Variants in MEI1 observed in about 807,000 individuals in gnomAD.
The protein encoded by MEI1 is meiotic double-stranded break formation protein 1, also known as meiosis inhibitor protein 1.
Under a neutral mutation model 146.2 loss-of-function variants are expected in MEI1, and 103 were observed. The observed-to-expected ratio is 0.70, with a 90% CI of 0.60 to 0.83. The LOEUF (loss-of-function observed/expected upper bound fraction) is 0.83. Among genes scored for constraint, MEI1 ranks in the 40% least tolerant of loss-of-function variants. The pLI, the probability that MEI1 is intolerant of heterozygous loss-of-function variation, is 0.00. For missense variants in MEI1, 1,529 were observed against 1,533.0 expected, an observed-to-expected ratio of 1.00 and a Z score of 0.04; for synonymous variants, 652 against 628.2, an observed-to-expected ratio of 1.04 and a Z score of -0.57.
intron 30 of MEI1, among the ~76,000 whole-genome samples, chr22:41,797,654 A>T (rs2076410361): frequency 6.6e-6 from 1 of 152,178 alleles, no homozygotes; most frequent in African/African-American, 2.4e-5. Flanking sequence ...TACAAGGTGT[A>T]TATAAAACAA....
Position 41,781,312 on chromosome 22 carries a change from C to T in MEI1, c.2844C>T (p.Pro948=), listed in dbSNP as rs1236966893. 3 of 1,613,072 alleles carry T rather than the reference C, an allele frequency of 1.9e-6. No homozygotes were observed. In the Admixed American group the frequency reaches 5.0e-5, roughly 27 times the overall value. The change falls in exon 23 of 31, where the codon CCC becomes CCT. Residue 948 remains proline (P), a synonymous_variant. Transcript: ENST00000401548. ...GCAAGCTGTGTGGGAAGTGCAGCCC[C>T]ACTGACGTGGACATCCTGCAGCCCT... The part of the protein sequence containing the change: ...QVSKLCGKCS[P]TDVDILQPSF...
chr22:41,744,068 G>T (rs1002424323), intron 12 of MEI1, among the ~76,000 whole-genome samples: 3 of 151,668 alleles, frequency 2.0e-5, no homozygotes, highest in African/African-American at 7.3e-5. Flanking sequence ...GTAGAGACAG[G>T]GTTTCACTGT....
At chr22:41,730,877 C>T (rs185660661) in intron 9 of MEI1, among the ~76,000 whole-genome samples, 1 of 152,290 alleles carries the variant, frequency 6.6e-6, no homozygotes, top group Non-Finnish European at 1.5e-5. Context: ...AAGGACACTT[C>T]TTTTAGCCAC....
intron 26 of MEI1, among the ~76,000 whole-genome samples, chr22:41,792,777 T>G (rs1471989433): frequency 1.3e-5 from 2 of 152,206 alleles, no homozygotes; most frequent in Non-Finnish European, 2.9e-5. Flanking sequence ...ACACTTGGTG[T>G]TGTCAGTCTT....
chr22:41,784,542 G>A (rs977770158), intron 25 of MEI1, 66 bp from the exon 26 acceptor site: 1 of 1,598,340 alleles, frequency 6.3e-7, no homozygotes, highest in Non-Finnish European at 8.5e-7. Context: ...CTCCCATCCT[G>A]TGACAGAGCT....
At chr22:41,748,078 G>T (rs377584913) in intron 14 of MEI1, 29 bp from the exon 15 acceptor site, 3 of 1,511,254 alleles carry the variant, frequency 2.0e-6, no homozygotes, top group African/African-American at 1.4e-5. Context: ...GTCCCCGTGG[G>T]CTGTGTTCTC....
At chr22:41,753,852 C>G in intron 16 of MEI1, 97 bp from the exon 17 acceptor site, 1 of 868,186 alleles carries the variant, frequency 1.2e-6, no homozygotes, top group Non-Finnish European at 1.9e-6. Flanking sequence ...TAGCCTCTGG[C>G]ACAAAGCAGT....
chr22:41,769,472 A>G (rs2075044992), intron 19 of MEI1, among the ~76,000 whole-genome samples: 1 of 102,456 alleles, frequency 9.8e-6, no homozygotes, highest in South Asian at 3.7e-4. Flanking sequence ...TAGCATATTA[A>G]GGAATTTTTT....
At chr22:41,705,245 C>T (rs571501140) in intron 2 of MEI1, among the ~76,000 whole-genome samples, 365 of 150,086 alleles carry the variant, frequency 2.4e-3, no homozygotes, top group Non-Finnish European at 2.7e-3. Context: ...AGTCTCAGCT[C>T]CTTGTAATCT....
chr22:41,737,298 G>A (rs1023429209), intron 11 of MEI1, among the ~76,000 whole-genome samples: 11 of 151,522 alleles, frequency 7.3e-5, no homozygotes, highest in Non-Finnish European at 1.6e-4. Flanking sequence ...GTGCAGTGGC[G>A]CGATCTCGGC....
chr22:41,706,573 G>T (rs1458726656), intron 3 of MEI1, among the ~76,000 whole-genome samples: 2 of 152,092 alleles, frequency 1.3e-5, no homozygotes, highest in East Asian at 3.9e-4. Context: ...AGTGGACTGA[G>T]CATGGTACAA....
intron 16 of MEI1, 74 bp from the exon 17 acceptor site, chr22:41,753,875 T>C: frequency 9.7e-7 from 1 of 1,028,354 alleles, no homozygotes; most frequent in Non-Finnish European, 1.5e-6. Flanking sequence ...TGCCCAGGCA[T>C]ATGGCAGGGA....
At chr22:41,720,763 ATTTATTT>A (rs1319407673) in intron 6 of MEI1, among the ~76,000 whole-genome samples, 2 of 148,842 alleles carry the variant, frequency 1.3e-5, no homozygotes, top group South Asian at 2.1e-4. Flanking sequence ...TGCCCGGCTA[ATTTATTT>A]TTTATTTTTT....
At chr22:41,729,942 C>T (rs1015867396) in intron 8 of MEI1, among the ~76,000 whole-genome samples, 163 bp downstream of exon 8, 1 of 152,120 alleles carries the variant, frequency 6.6e-6, no homozygotes, top group African/African-American at 2.4e-5. Flanking sequence ...CGATTTTTGT[C>T]ATTTATTTGG....
intron 5 of MEI1, among the ~76,000 whole-genome samples, chr22:41,716,931 G>T (rs1372309392): frequency 6.9e-6 from 1 of 144,886 alleles, no homozygotes; most frequent in Non-Finnish European, 1.5e-5. Context: ...CCTGCTGTTG[G>T]ACCCGCCTCA....
At chr22:41,774,856 A>G (rs960789454) in intron 20 of MEI1, among the ~76,000 whole-genome samples, 4 of 152,290 alleles carry the variant, frequency 2.6e-5, no homozygotes, top group East Asian at 1.9e-4. Flanking sequence ...TTTTCCAGCA[A>G]CTGCGGAGGT....
Position 41,716,062 on chromosome 22 carries a change from C to G in MEI1, c.445C>G (p.Arg149Gly). Residue 149 changes from arginine (R) to glycine (G), a missense_variant, in exon 5 of 31, where the codon CGA (arginine) becomes GGA (glycine). Physicochemically the swap from Arg to Gly is moderately radical, Grantham distance 125 (BLOSUM62 -2). Around this residue, in one of 3 missense-constraint regions of MEI1, gnomAD observed 1,212 missense variants for 1,178.9 expected, o/e 1.03. Transcript: ENST00000401548. Reference protein sequence around the residue: ...HKELCNMPSMRGSLATLTLLG... With the variant: ...HKELCNMPSMGGSLATLTLLG... ...GTAGCTGTGTAACATGCCCTCCATG[C>G]GAGGCAGCCTGGCCACCCTGACCCT... 6.2e-7 allele frequency: 1 copy of G among 1,610,592 alleles called. No individual in the cohort carries two copies. Among genetic ancestry groups the G allele is most frequent in the Non-Finnish European group, 8.5e-7 (1 of 1,178,362 alleles).
intron 26 of MEI1, among the ~76,000 whole-genome samples, chr22:41,787,405 T>C (rs73163336): frequency 0.1 from 15,925 of 152,274 alleles, 1,031 homozygotes; most frequent in South Asian, 0.2. Flanking sequence ...CTTAATCATA[T>C]CTGTCCAAAA....
intron 2 of MEI1, among the ~76,000 whole-genome samples, chr22:41,705,175 CCTT>C (rs1368778938): frequency 6.7e-6 from 1 of 149,718 alleles, no homozygotes; most frequent in East Asian, 2.0e-4. Flanking sequence ...CTTAACCACT[CCTT>C]TTTTTTTTTT....
Sources: allele counts gnomAD v4.1 joint callset (sites outside exome capture counted in the v4.1 genomes callset), GRCh38; gene constraint gnomAD v4.1.1; regional missense constraint gnomAD v4.1.1; transcripts MANE v1.5; gene names NCBI Gene and HGNC (gene_info 2026-07-23, HGNC 2026-07-21).